Variants in ATP11A observed in about 807,000 individuals in gnomAD.
The protein encoded by ATP11A is phospholipid-transporting ATPase IH.
Under a neutral mutation model 154.4 loss-of-function variants are expected in ATP11A, and 81 were observed. The ratio of observed to expected loss-of-function variants is 0.52; its 90% confidence interval spans 0.44 to 0.63. The LOEUF (loss-of-function observed/expected upper bound fraction) is 0.63, where lower values mean the gene tolerates loss of function less well. Ranked by LOEUF, ATP11A falls within the 30% of genes least tolerant of loss-of-function variation. The probability of loss-of-function intolerance (pLI) is 0.00; values close to 1 mark genes in which losing one functional copy is unlikely to be tolerated. For missense variants in ATP11A, 1,316 were observed against 1,474.3 expected, an observed-to-expected ratio of 0.89 and a Z score of 1.76; for synonymous variants, 623 against 585.9, an observed-to-expected ratio of 1.06 and a Z score of -0.91.
chr13:112,864,432 A>C (rs149966209), intron 25 of ATP11A, among the ~76,000 whole-genome samples: 403 of 30,136 alleles, frequency 0.013, 27 homozygotes, highest in East Asian at 0.036. Context: ...CCATCACCAC[A>C]TGGGCAGTAA....
At chr13:112,744,156 G>A (rs1426918676) in intron 1 of ATP11A, among the ~76,000 whole-genome samples, 1 of 152,218 alleles carries the variant, frequency 6.6e-6, no homozygotes, top group Non-Finnish European at 1.5e-5. Flanking sequence ...CAAGAAGGCA[G>A]GAGAATGTCG....
chr13:112,789,916 C>T (rs181835321), intron 2 of ATP11A, among the ~76,000 whole-genome samples: 4 of 151,902 alleles, frequency 2.6e-5, no homozygotes. Flanking sequence ...TTAATTCACA[C>T]CTGGCATCCT....
chr13:112,815,499 C>T (rs950942562), intron 5 of ATP11A, among the ~76,000 whole-genome samples: 7 of 152,242 alleles, frequency 4.6e-5, no homozygotes, highest in Admixed American at 2.0e-4. Context: ...CTTCCTCACC[C>T]TTCAGACACA....
chr13:112,844,011 G>A (rs1224018293), intron 17 of ATP11A, among the ~76,000 whole-genome samples: 1 of 152,224 alleles, frequency 6.6e-6, no homozygotes, highest in East Asian at 1.9e-4. Context: ...GTTCCTCTGA[G>A]CAGCACAAGC....
At chr13:112,734,392 T>A (rs1394107673) in intron 1 of ATP11A, among the ~76,000 whole-genome samples, 2 of 152,192 alleles carry the variant, frequency 1.3e-5, no homozygotes, top group Admixed American at 1.3e-4. Flanking sequence ...GAGGTTGGTC[T>A]TCATGGAATT....
intron 25 of ATP11A, among the ~76,000 whole-genome samples, chr13:112,863,784 C>A (rs1262430320): frequency 2.9e-5 from 2 of 68,974 alleles, no homozygotes; most frequent in African/African-American, 1.0e-4. Context: ...CCATCACCAC[C>A]TGCACAGTAA....
At position 112,746,734 on chromosome 13, in the gene ATP11A, GAC is replaced by G. The variant is rs1892207230; in HGVS notation, c.40-38399_40-38398del. 1 of 128,952 alleles carries G rather than the reference GAC, an allele frequency of 7.8e-6. No individual in the cohort carries two copies. The highest frequency in any genetic ancestry group is 2.2e-4 in the East Asian group (1 of 4,488). 8.0% of individuals were successfully genotyped at this position (128,952 alleles called of 1,614,324 possible). ...CTAATTAAAAAAAAAAAAAAAAAAAGACAACTTTTTTTGGAGAGGGAGGGTCT... is the reference window on the plus strand; with the variant it reads ...CTAATTAAAAAAAAAAAAAAAAAAAGAACTTTTTTTGGAGAGGGAGGGTCT... On this transcript the variant is annotated intron_variant, in intron 1 of 29. Transcript: ENST00000375645. The surrounding 1 kb of genome is among the most constrained non-coding windows in gnomAD (Gnocchi z 4.1).
At chr13:112,792,469 T>A (rs77864461) in intron 2 of ATP11A, among the ~76,000 whole-genome samples, 1 of 152,230 alleles carries the variant, frequency 6.6e-6, no homozygotes, top group African/African-American at 2.4e-5. Context: ...TAGTTAAGAC[T>A]TTTTAAGTGC....
intron 2 of ATP11A, among the ~76,000 whole-genome samples, chr13:112,796,164 C>T (rs1177349991): frequency 1.3e-5 from 2 of 152,174 alleles, no homozygotes; most frequent in African/African-American, 2.4e-5. Context: ...CATGTGTTCT[C>T]TACTCTGTCT....
chr13:112,845,913 C>T (rs906565261), intron 17 of ATP11A, among the ~76,000 whole-genome samples: 21 of 152,174 alleles, frequency 1.4e-4, no homozygotes, highest in African/African-American at 4.8e-4. Flanking sequence ...GTTCTTTCTA[C>T]GGATGGACCA....
chr13:112,787,987 GA>G (rs1406735999), intron 2 of ATP11A, among the ~76,000 whole-genome samples: 2 of 149,582 alleles, frequency 1.3e-5, no homozygotes, highest in Admixed American at 6.6e-5. Context: ...ATTCACACCG[GA>G]TGTCCTGATG....
intron 18 of ATP11A, chr13:112,851,810 G>A (rs556365353): frequency 6.6e-6 from 1 of 152,370 alleles, no homozygotes; most frequent in East Asian, 1.9e-4. Flanking sequence ...GGCATGAGCA[G>A]TCATGCCTGA....
At chr13:112,863,462 C>T (rs535700503) in intron 25 of ATP11A, among the ~76,000 whole-genome samples, 260 of 146,936 alleles carry the variant, frequency 1.8e-3, no homozygotes, top group African/African-American at 6.3e-3. Context: ...TCACCACCTG[C>T]GCAGTAATTC....
intron 1 of ATP11A, among the ~76,000 whole-genome samples, chr13:112,726,733 A>G (rs1233085147): frequency 6.6e-6 from 1 of 152,232 alleles, no homozygotes; most frequent in African/African-American, 2.4e-5. Context: ...GGAGCAGAAA[A>G]TTAGTGGTGA....
chr13:112,836,044 G>T, intron 15 of ATP11A, 134 bp from the exon 16 acceptor site: 1 of 569,038 alleles, frequency 1.8e-6, no homozygotes. Context: ...CCCTCACCCA[G>T]CAGCCCTCTG....
chr13:112,862,614 G>A (rs2080146138), intron 25 of ATP11A, 39 bp downstream of exon 25: 2 of 1,613,078 alleles, frequency 1.2e-6, no homozygotes, highest in South Asian at 1.1e-5. Flanking sequence ...TAGCTGCTTA[G>A]GAATAAAGCC....
intron 1 of ATP11A, among the ~76,000 whole-genome samples, chr13:112,750,472 C>G (rs550474862): frequency 3.3e-5 from 3 of 90,950 alleles, no homozygotes; most frequent in African/African-American, 1.3e-4. Flanking sequence ...TCTTCAGCCT[C>G]TCGTGAATTT....
At chr13:112,740,838 C>T (rs1891469491) in intron 1 of ATP11A, among the ~76,000 whole-genome samples, 1 of 152,180 alleles carries the variant, frequency 6.6e-6, no homozygotes, top group Non-Finnish European at 1.5e-5. Context: ...TTGCAGAAGG[C>T]GCTCGCCATC....
In ATP11A at chr13:112,696,671, G is replaced by GC. The variant is rs367871213; in HGVS notation, c.39+6218dup. Among the ~76,000 whole-genome samples, 725 of 152,180 alleles carry GC rather than the reference G, an allele frequency of 4.8e-3. 7 individuals are homozygous for GC. Among genetic ancestry groups the GC allele is most frequent in the African/African-American group, 0.015 (632 of 41,530 alleles). On this transcript the variant is annotated intron_variant, in intron 1 of 29. Transcript: ENST00000375645. The surrounding 1 kb of genome is among the most constrained non-coding windows in gnomAD (Gnocchi z 6.2). ...TCCTTCCTTCTCCTGTCTCTTCTGTGCCTACCGCGGGGGGTTCCCTTACCA... is the reference window on the plus strand; with the variant it reads ...TCCTTCCTTCTCCTGTCTCTTCTGTGCCCTACCGCGGGGGGTTCCCTTACCA...
Sources: allele counts gnomAD v4.1 joint callset (sites outside exome capture counted in the v4.1 genomes callset), GRCh38; gene constraint gnomAD v4.1.1; non-coding constraint Gnocchi (gnomAD v3.1); transcripts MANE v1.5; gene names NCBI Gene and HGNC (gene_info 2026-07-23, HGNC 2026-07-21).